Variants in YAE1 observed in about 807,000 individuals in gnomAD.
The protein encoded by YAE1 is YAE1 maturation factor of ABCE1.
Under a neutral mutation model 23.0 loss-of-function variants are expected in YAE1, and 22 were observed. The ratio of observed to expected loss-of-function variants is 0.96; its 90% confidence interval spans 0.68 to 1.37. The LOEUF (loss-of-function observed/expected upper bound fraction) is 1.37. Ranked by LOEUF, YAE1 falls within the 40% of genes most tolerant of loss-of-function variation. YAE1 has a pLI of 0.00. For synonymous variants in YAE1, 101 were observed against 97.0 expected, an observed-to-expected ratio of 1.04 and a Z score of -0.24; for missense variants, 260 against 262.1, an observed-to-expected ratio of 0.99 and a Z score of 0.06.
At chr7:39,601,831 A>C (rs1048232214) in intron 2 of YAE1, among the ~76,000 whole-genome samples, 4 of 152,050 alleles carry the variant, frequency 2.6e-5, no homozygotes, top group African/African-American at 9.7e-5. Context: ...ATTGAATCGC[A>C]TTTGAATTAA....
At chr7:39,591,032 G>C (rs1790893871) in intron 2 of YAE1, among the ~76,000 whole-genome samples, 1 of 152,180 alleles carries the variant, frequency 6.6e-6, no homozygotes, top group African/African-American at 2.4e-5. Flanking sequence ...GGTGTTGGCA[G>C]GCTTGGTTCC....
chr7:39,593,535 A>C (rs1790934606), intron 2 of YAE1, among the ~76,000 whole-genome samples: 1 of 152,114 alleles, frequency 6.6e-6, no homozygotes, highest in Admixed American at 6.6e-5. Flanking sequence ...GGCATGAGCC[A>C]CTGTGCCTGG....
chr7:39,576,292 A>C (rs1209913393), downstream of YAE1, among the ~76,000 whole-genome samples: 1 of 152,184 alleles, frequency 6.6e-6, no homozygotes, highest in Non-Finnish European at 1.5e-5. Context: ...CTTCCTGTCC[A>C]TTCTGTCTCT....
chr7:39,576,002 TG>T (rs1431994051), downstream of YAE1, among the ~76,000 whole-genome samples: 1 of 152,232 alleles, frequency 6.6e-6, no homozygotes, highest in Non-Finnish European at 1.5e-5. Flanking sequence ...CTCTGACTGC[TG>T]CTTAGATGTA....
At chr7:39,586,870 G>T (rs1299525809) in intron 2 of YAE1, among the ~76,000 whole-genome samples, 1 of 152,166 alleles carries the variant, frequency 6.6e-6, no homozygotes, top group East Asian at 1.9e-4. Flanking sequence ...TTGTCTTGGA[G>T]TACTTATCTT....
chr7:39,570,266 A>G (rs1790545274), intron 1 of YAE1: 2 of 639,220 alleles, frequency 3.1e-6, no homozygotes, highest in Non-Finnish European at 5.3e-6. Flanking sequence ...AACTGTGACT[A>G]TCAGTGTTTT....
intron 2 of YAE1, among the ~76,000 whole-genome samples, chr7:39,600,102 C>A (rs186503879): frequency 7.0e-4 from 106 of 152,172 alleles, no homozygotes; most frequent in Non-Finnish European, 1.8e-4. Flanking sequence ...GAGTAAGGAC[C>A]GTATCCAATT....
At chr7:39,591,079 C>T (rs1293276734) in intron 2 of YAE1, among the ~76,000 whole-genome samples, 4 of 152,218 alleles carry the variant, frequency 2.6e-5, no homozygotes, top group African/African-American at 9.7e-5. Context: ...AGACGGCTGC[C>T]TTCTTGTGTC....
At position 39,572,744 on chromosome 7, in the gene YAE1, A is replaced by C. The variant is rs763435712; in HGVS notation, c.*38A>C. The C allele has an allele frequency of 5.9e-6, 9 of 1,528,788 alleles. No individual in the cohort carries two copies. Among genetic ancestry groups the C allele is most frequent in the Non-Finnish European group, 7.9e-6 (9 of 1,143,916 alleles). The allele number at this position is 1,528,788 out of a possible 1,614,324, so 94.7% of individuals were successfully genotyped here. A position where few individuals can be genotyped will look rare whatever the true frequency, so the allele number is the denominator to read the frequency against. On this transcript the variant is annotated 3_prime_UTR_variant, in exon 3 of 3. Coordinates refer to ENST00000223273, the MANE Select transcript of YAE1 (RefSeq NM_020192.5). The stretch of plus-strand genomic sequence containing the variant: ...TTTTCTAATGAAAATAATGTTCAGA[A>C]CATTTGGTTTCCTAACAATCGAAAT...
chr7:39,579,252 G>A (rs1200693062), intron 2 of YAE1, among the ~76,000 whole-genome samples: 1 of 152,168 alleles, frequency 6.6e-6, no homozygotes, highest in East Asian at 1.9e-4. Flanking sequence ...TAAGTAATGT[G>A]TCCAGTTTGT....
intron 2 of YAE1, among the ~76,000 whole-genome samples, chr7:39,600,154 A>G (rs1466493604): frequency 1.3e-5 from 2 of 152,230 alleles, no homozygotes. Context: ...CTTAGCAGAC[A>G]GTAAATATTT....
intron 2 of YAE1, among the ~76,000 whole-genome samples, chr7:39,590,350 T>C (rs1361535621): frequency 2.6e-5 from 4 of 152,242 alleles, no homozygotes; most frequent in Non-Finnish European, 4.4e-5. Flanking sequence ...ACTTAAGATA[T>C]GTCAGATAAT....
At chr7:39,579,490 A>C (rs1790709257) in intron 2 of YAE1, among the ~76,000 whole-genome samples, 1 of 152,112 alleles carries the variant, frequency 6.6e-6, no homozygotes, top group African/African-American at 2.4e-5. Flanking sequence ...CCAACATGGC[A>C]AAAACCCATC....
downstream of YAE1, chr7:39,573,004 A>T (rs1321997049): frequency 4.7e-6 from 3 of 639,768 alleles, no homozygotes; most frequent in Non-Finnish European, 6.1e-6. Flanking sequence ...AAAAGTGAAC[A>T]AGAATTAAAC....
chr7:39,601,629 G>A (rs1363312195), intron 2 of YAE1, among the ~76,000 whole-genome samples: 5 of 151,736 alleles, frequency 3.3e-5, no homozygotes, highest in East Asian at 1.9e-4. Flanking sequence ...GCATGGTGGC[G>A]GGCGCCTGTA....
intron 2 of YAE1, among the ~76,000 whole-genome samples, chr7:39,601,664 C>A (rs1341481471): frequency 2.0e-5 from 3 of 149,572 alleles, no homozygotes; most frequent in African/African-American, 7.4e-5. Context: ...GAGGCTGAGG[C>A]AGGAGAATCA....
chr7:39,592,644 G>A (rs1790917567), intron 2 of YAE1, among the ~76,000 whole-genome samples: 1 of 152,116 alleles, frequency 6.6e-6, no homozygotes, highest in African/African-American at 2.4e-5. Context: ...AATAGATACA[G>A]AATTCTAAGT....
At chr7:39,570,795 C>A in intron 2 of YAE1, 168 bp downstream of exon 2, 1 of 772,558 alleles carries the variant, frequency 1.3e-6, no homozygotes, top group Non-Finnish European at 1.9e-6. Flanking sequence ...AAATCTTTAT[C>A]AGCTCATCTA....
intron 2 of YAE1, among the ~76,000 whole-genome samples, chr7:39,578,093 T>C (rs1244384183): frequency 6.6e-6 from 1 of 152,110 alleles, no homozygotes; most frequent in East Asian, 1.9e-4. Context: ...CAGTGCTCTG[T>C]GTCTAGCTAA....
Sources: gnomAD v4.1 joint callset for allele counts (sites outside exome capture counted in the v4.1 genomes callset) on GRCh38, gnomAD v4.1.1 for gene constraint, MANE v1.5 for transcripts, NCBI Gene and HGNC (gene_info 2026-07-23, HGNC 2026-07-21) for gene names.